Variants in YTHDF3 observed in about 807,000 individuals in gnomAD.
YTHDF3 encodes YTH domain-containing family protein 3.
A neutral mutation model predicts 52.5 loss-of-function variants in YTHDF3; 9 were observed. The observed-to-expected ratio is 0.17, with a 90% CI of 0.10 to 0.30. The LOEUF is 0.30. YTHDF3 is among the 10% of genes least tolerant of loss of function. YTHDF3 has a pLI of 1.00. For synonymous variants in YTHDF3, 274 were observed against 243.3 expected (o/e 1.13, Z -1.18); for missense variants, 534 against 715.0 (o/e 0.75, Z 2.89).
intron 3 of YTHDF3, among the ~76,000 whole-genome samples, chr8:63,180,339 C>T (rs533205350): frequency 1.3e-5 from 2 of 150,134 alleles, no homozygotes; most frequent in East Asian, 2.0e-4. Context: ...AGACGATGGG[C>T]GGCTGGGCAG....
At chr8:63,190,380 T>A (rs1429879996) in intron 4 of YTHDF3, among the ~76,000 whole-genome samples, 1 of 152,160 alleles carries the variant, frequency 6.6e-6, no homozygotes, top group South Asian at 2.1e-4. Flanking sequence ...ATTATGTAGT[T>A]GTTTCAGGAA....
chr8:63,182,443 T>C (rs1808205142), intron 3 of YTHDF3, among the ~76,000 whole-genome samples: 1 of 152,002 alleles, frequency 6.6e-6, no homozygotes, highest in Admixed American at 6.6e-5. Context: ...GAATGTGGCT[T>C]GATTTACTTG....
chr8:63,187,846 C>G (rs1273961416), intron 4 of YTHDF3, 101 bp downstream of exon 4: 50 of 1,307,382 alleles, frequency 3.8e-5, no homozygotes, highest in Admixed American at 2.8e-5. Context: ...AGGAAACCAA[C>G]TACTTAAGAA....
At position 63,175,490 on chromosome 8, in the gene YTHDF3, A is replaced by G. The variant is rs760982079; in HGVS notation, c.135+74A>G. The G allele has an allele frequency of 2.7e-5, 31 of 1,150,480 alleles. No individual in the cohort carries two copies. The Admixed American group carries it at 4.7e-4, about 17-fold the overall frequency. The allele number at this position is 1,150,480 out of a possible 1,614,324, so 71.3% of individuals were successfully genotyped here. On this transcript the variant is annotated intron_variant, in intron 3 of 4. Transcript: ENST00000539294. The stretch of plus-strand genomic sequence containing the variant: ...TATTAGTTGATTTTTCAAATAGATT[A>G]TTTAATGAGATTAACCATAACATGG...
intron 2 of YTHDF3, among the ~76,000 whole-genome samples, chr8:63,171,043 GCTT>G (rs1807290872): frequency 6.6e-6 from 1 of 152,044 alleles, no homozygotes; most frequent in African/African-American, 2.4e-5. Flanking sequence ...CATCAGTATC[GCTT>G]CTGTTAGTTG....
intron 3 of YTHDF3, among the ~76,000 whole-genome samples, chr8:63,176,223 T>C (rs1021052078): frequency 1.3e-5 from 2 of 152,248 alleles, no homozygotes; most frequent in Non-Finnish European, 2.9e-5. Context: ...TTTGTTTTGC[T>C]TTAAAAAAGC....
At position 63,168,775 on chromosome 8, in the gene YTHDF3, G is replaced by A; in HGVS notation, c.-103G>A. ...TCAGCGAACGGCGGCAGCGGCGGCGGCTGGAACAATCACTCGGCCAAGGGC... is the reference window on the plus strand; with the variant it reads ...TCAGCGAACGGCGGCAGCGGCGGCGACTGGAACAATCACTCGGCCAAGGGC... On this transcript the variant is annotated 5_prime_UTR_variant, in exon 1 of 5. Transcript: ENST00000539294. The A allele has an allele frequency of 6.5e-7, 1 of 1,547,134 alleles. No individual in the cohort carries two copies. The highest frequency in any genetic ancestry group is 8.7e-7 in the Non-Finnish European group (1 of 1,145,156).
intron 3 of YTHDF3, among the ~76,000 whole-genome samples, chr8:63,181,084 C>T (rs985162878): frequency 2.0e-5 from 3 of 152,104 alleles, no homozygotes; most frequent in African/African-American, 4.8e-5. Flanking sequence ...GTTAAATATG[C>T]CATGTAATTT....
chr8:63,190,730 T>G (rs1808860766), intron 4 of YTHDF3, among the ~76,000 whole-genome samples: 1 of 152,166 alleles, frequency 6.6e-6, no homozygotes, highest in South Asian at 2.1e-4. Flanking sequence ...TGTATATCAC[T>G]TTTCCTTTTT....
rs187286809 is a variant in YTHDF3, at chr8:63,206,874, T to G, written c.1735-2809T>G. On this transcript the variant is annotated intron_variant, in intron 4 of 4. Coordinates refer to ENST00000539294, the MANE Select transcript of YTHDF3 (RefSeq NM_152758.6). Reference sequence around the variant, plus strand: ...CAAACATGGGTTTTTTTCCTTGTTATCTGTTTTGTTTCCAAAATTGATGTC... The same window carrying G: ...CAAACATGGGTTTTTTTCCTTGTTAGCTGTTTTGTTTCCAAAATTGATGTC... Among the ~76,000 whole-genome samples the G allele has an allele frequency of 1.1e-4, 16 of 152,330 alleles. No homozygotes were observed. The East Asian group carries it at 3.1e-3, about 29-fold the overall frequency.
intron 4 of YTHDF3, among the ~76,000 whole-genome samples, chr8:63,207,263 G>A (rs1810093774): frequency 6.6e-6 from 1 of 152,048 alleles, no homozygotes; most frequent in South Asian, 2.1e-4. Flanking sequence ...GTCTTCATTT[G>A]CTTTGTGTTA....
At chr8:63,170,445 G>A (rs1202637620) in intron 2 of YTHDF3, among the ~76,000 whole-genome samples, 1 of 152,000 alleles carries the variant, frequency 6.6e-6, no homozygotes, top group Non-Finnish European at 1.5e-5. Flanking sequence ...CAGTTACATG[G>A]CACCATATTA....
intron 2 of YTHDF3, 32 bp downstream of exon 2, chr8:63,169,443 C>T (rs1366616425): frequency 3.4e-5 from 54 of 1,566,948 alleles, no homozygotes; most frequent in Non-Finnish European, 4.5e-5. Context: ...TCTTATTGCT[C>T]AATGTTGCCT....
intron 4 of YTHDF3, among the ~76,000 whole-genome samples, chr8:63,196,561 TAAAA>T (rs945993019): frequency 1.5e-5 from 2 of 131,954 alleles, no homozygotes; most frequent in Admixed American, 7.7e-5. Context: ...GACTCCGTCT[TAAAA>T]AAAAAAAAAA....
chr8:63,180,270 G>C lies in YTHDF3; in HGVS notation c.135+4854G>C, dbSNP rs572262509. On this transcript the variant is annotated intron_variant, in intron 3 of 4. Transcript: ENST00000539294. ...CTCACTTCTCAGACGGGGCGGCCGGGCAGAGATGCTCCTCACATCCCGGAC... is the reference window on the plus strand; with the variant it reads ...CTCACTTCTCAGACGGGGCGGCCGGCCAGAGATGCTCCTCACATCCCGGAC... Among the ~76,000 whole-genome samples the C allele has an allele frequency of 6.0e-5, 9 of 148,782 alleles. No individual in the cohort carries two copies. The East Asian group carries it at 1.8e-3, about 29-fold the overall frequency.
chr8:63,202,967 C>T (rs1041436498), intron 4 of YTHDF3, among the ~76,000 whole-genome samples: 1 of 152,026 alleles, frequency 6.6e-6, no homozygotes, highest in Non-Finnish European at 1.5e-5. Context: ...GTCTGCTGGG[C>T]ACGGTGGCTC....
Position 63,193,370 on chromosome 8 carries a change from C to T in YTHDF3, c.1734+5625C>T, listed in dbSNP as rs1020565731. On this transcript the variant is annotated intron_variant, in intron 4 of 4. Coordinates refer to ENST00000539294, the MANE Select transcript of YTHDF3 (RefSeq NM_152758.6). ...CAGCCTGGGTGACAGAGCTAGACTC[C>T]GTCCAAAAAAAAAAAAAAAAAAAAA... Among the ~76,000 whole-genome samples, 8 of 125,954 alleles carry T rather than the reference C, an allele frequency of 6.4e-5. No individual in the cohort carries two copies. In the South Asian group the frequency reaches 1.2e-3, roughly 19 times the overall value. 82.6% of individuals were successfully genotyped at this position (125,954 alleles called of 152,430 possible).
chr8:63,168,827 G>A lies in YTHDF3; in HGVS notation c.-51G>A. 1 of 1,552,122 alleles carries A rather than the reference G, an allele frequency of 6.4e-7. No homozygotes were observed. Among genetic ancestry groups the A allele is most frequent in the Non-Finnish European group, 8.7e-7 (1 of 1,147,882 alleles). ...ACAGCCAACTGCTGTGAGTGCACGGGGAGAGGCCCAGGCAGCGGCGGCGGC... is the reference window on the plus strand; with the variant it reads ...ACAGCCAACTGCTGTGAGTGCACGGAGAGAGGCCCAGGCAGCGGCGGCGGC... On this transcript the variant is annotated 5_prime_UTR_variant, in exon 1 of 5. Transcript: ENST00000539294.
rs759767524 is a variant in YTHDF3, at chr8:63,186,602, T to C, written c.591T>C (p.Gly197=). 2 of 1,613,944 alleles carry C rather than the reference T, an allele frequency of 1.2e-6. No homozygotes were observed. Among genetic ancestry groups the C allele is most frequent in the South Asian group, 2.2e-5 (2 of 91,076 alleles). ...AAGGCATGACTGGACTGAAAATTGG[T>C]GGTGACCTGACAGCTGCAGTGACAA... ...IEQGMTGLKI[G]GDLTAAVTKT... is the part of the protein sequence containing the mutation. Residue 197 remains glycine, a synonymous_variant, in exon 4 of 5, where the codon GGT becomes GGC. Coordinates refer to ENST00000539294, the MANE Select transcript of YTHDF3 (RefSeq NM_152758.6).
Sources: gnomAD v4.1 joint callset for allele counts (sites outside exome capture counted in the v4.1 genomes callset) on GRCh38, gnomAD v4.1.1 for gene constraint, MANE v1.5 for transcripts, NCBI Gene and HGNC (gene_info 2026-07-23, HGNC 2026-07-21) for gene names.